The following SCFD2 variants were observed in gnomAD, a reference collection of about 807,000 sequenced individuals.
SCFD2 encodes the protein sec1 family domain containing 2, also known as sec1 family domain-containing protein 2.
Under a neutral mutation model 58.9 loss-of-function variants are expected in SCFD2, and 54 were observed. The observed-to-expected ratio is 0.92, with a 90% CI of 0.74 to 1.15. SCFD2 has a LOEUF of 1.15. Ranked by LOEUF, SCFD2 falls within the 50% of genes most tolerant of loss-of-function variation. The pLI, the probability that SCFD2 is intolerant of heterozygous loss-of-function variation, is 0.00. For missense variants in SCFD2, 805 were observed against 836.6 expected, an observed-to-expected ratio of 0.96 and a Z score of 0.47; for synonymous variants, 321 against 335.9, an observed-to-expected ratio of 0.96 and a Z score of 0.49.
intron 5 of SCFD2, among the ~76,000 whole-genome samples, chr4:53,046,981 T>C (rs1577683699): frequency 6.6e-6 from 1 of 152,240 alleles, no homozygotes; most frequent in Non-Finnish European, 1.5e-5. Context: ...CAAAGCTATG[T>C]GTTTTTGTGA....
At chr4:53,279,589 T>C (rs1039986816) in intron 3 of SCFD2, among the ~76,000 whole-genome samples, 3 of 152,250 alleles carry the variant, frequency 2.0e-5, no homozygotes, top group Admixed American at 6.5e-5. Flanking sequence ...TTTAATATTA[T>C]GTCAATATAG....
chr4:53,210,450 G>A (rs1393436104), intron 4 of SCFD2, among the ~76,000 whole-genome samples: 2 of 152,010 alleles, frequency 1.3e-5, no homozygotes, highest in African/African-American at 4.8e-5. Flanking sequence ...CAGGAGCATA[G>A]AGTGAAGTCT....
intron 4 of SCFD2, among the ~76,000 whole-genome samples, chr4:53,212,703 T>C (rs1412407926): frequency 4.6e-5 from 7 of 151,822 alleles, no homozygotes. Context: ...GTTCATATTA[T>C]GAATAAAATT....
At chr4:53,124,984 G>C (rs909824396) in intron 5 of SCFD2, among the ~76,000 whole-genome samples, 4 of 152,308 alleles carry the variant, frequency 2.6e-5, no homozygotes, top group Non-Finnish European at 5.9e-5. Flanking sequence ...GAGGTAAAGA[G>C]AGATTAAGTG....
At chr4:53,017,730 C>G (rs1722248402) in intron 5 of SCFD2, among the ~76,000 whole-genome samples, 1 of 152,176 alleles carries the variant, frequency 6.6e-6, no homozygotes, top group Admixed American at 6.5e-5. Flanking sequence ...TGAAGGCAAA[C>G]TAGGCCCTAC....
intron 5 of SCFD2, among the ~76,000 whole-genome samples, chr4:53,068,565 A>G (rs1313424414): frequency 1.3e-5 from 2 of 152,078 alleles, no homozygotes; most frequent in African/African-American, 4.8e-5. Flanking sequence ...TTAATTTTTA[A>G]TATTCTACAT....
intron 2 of SCFD2, among the ~76,000 whole-genome samples, chr4:53,339,632 T>C (rs1330828371): frequency 6.6e-6 from 1 of 152,058 alleles, no homozygotes; most frequent in Non-Finnish European, 1.5e-5. Flanking sequence ...TAGCCAGGCA[T>C]GGTGGTGCAC....
chr4:53,165,666 A>C (rs918085353), intron 4 of SCFD2, among the ~76,000 whole-genome samples: 2 of 152,184 alleles, frequency 1.3e-5, no homozygotes, highest in African/African-American at 4.8e-5. Flanking sequence ...ATCTTACTAT[A>C]GGTTTTACTT....
chr4:53,017,398 A>G (rs955169338), intron 5 of SCFD2, among the ~76,000 whole-genome samples: 5 of 152,228 alleles, frequency 3.3e-5, no homozygotes, highest in African/African-American at 1.2e-4. Flanking sequence ...TAACTCACCC[A>G]AAGTTCTGAT....
At chr4:53,174,469 G>T (rs1488927892) in intron 4 of SCFD2, among the ~76,000 whole-genome samples, 1 of 152,094 alleles carries the variant, frequency 6.6e-6, no homozygotes, top group Non-Finnish European at 1.5e-5. Flanking sequence ...CAAAGAAACT[G>T]ACATTAAAGT....
At chr4:53,278,412 C>G (rs1218516727) in intron 3 of SCFD2, among the ~76,000 whole-genome samples, 1 of 150,752 alleles carries the variant, frequency 6.6e-6, no homozygotes, top group Non-Finnish European at 1.5e-5. Flanking sequence ...CATGGTAGTG[C>G]TCACCTATAG....
At chr4:53,261,039 T>C (rs998243825) in intron 4 of SCFD2, among the ~76,000 whole-genome samples, 3 of 152,180 alleles carry the variant, frequency 2.0e-5, no homozygotes, top group African/African-American at 2.4e-5. Context: ...CCTTGAATGA[T>C]CGTTTGTATT....
chr4:53,095,533 T>A (rs1185897622), intron 5 of SCFD2, among the ~76,000 whole-genome samples: 5 of 152,108 alleles, frequency 3.3e-5, no homozygotes, highest in Non-Finnish European at 7.3e-5. Flanking sequence ...ATGCTCCCAG[T>A]CTTACTCCCC....
chr4:52,970,660 AAG>A (rs1340079297), intron 5 of SCFD2, among the ~76,000 whole-genome samples: 1 of 152,212 alleles, frequency 6.6e-6, no homozygotes, highest in Non-Finnish European at 1.5e-5. Flanking sequence ...GACAGCTTTG[AAG>A]AGAGTAGTGG....
chr4:53,271,999 A>G (rs965508266), intron 4 of SCFD2, among the ~76,000 whole-genome samples: 5 of 152,170 alleles, frequency 3.3e-5, no homozygotes, highest in South Asian at 4.1e-4. Context: ...ACTCAAACAC[A>G]TTTACAAGAA....
chr4:52,967,878 T>C (rs1261964944), intron 5 of SCFD2, among the ~76,000 whole-genome samples: 2 of 152,162 alleles, frequency 1.3e-5, no homozygotes, highest in Non-Finnish European at 2.9e-5. Flanking sequence ...CCCTATGTCA[T>C]TCCCATCAGT....
Position 52,991,608 on chromosome 4 carries a change from G to A in SCFD2, c.1562-70738C>T, listed in dbSNP as rs533380231. Among the ~76,000 whole-genome samples the A allele has an allele frequency of 3.9e-5, 6 of 152,280 alleles. No homozygotes were observed. The South Asian group carries it at 1.2e-3, about 32-fold the overall frequency. ...GGCTCAGGGAGAGGAGTTGGATTAAGGGCCTGGTTACTAATGCACCACATC... is the reference window on the plus strand; with the variant it reads ...GGCTCAGGGAGAGGAGTTGGATTAAAGGCCTGGTTACTAATGCACCACATC... On this transcript the variant is annotated intron_variant, in intron 5 of 8. Coordinates refer to ENST00000401642, the MANE Select transcript of SCFD2 (RefSeq NM_152540.4).
chr4:53,199,736 G>T (rs1473754887), intron 4 of SCFD2, among the ~76,000 whole-genome samples: 1 of 152,086 alleles, frequency 6.6e-6, no homozygotes, highest in African/African-American at 2.4e-5. Context: ...ACCAGAAAGG[G>T]CATGGAAGCT....
chr4:53,353,656 A>T (rs1159408610), intron 1 of SCFD2, among the ~76,000 whole-genome samples: 1 of 151,766 alleles, frequency 6.6e-6, no homozygotes, highest in East Asian at 1.9e-4. Flanking sequence ...CTAGACACAG[A>T]GTGCTGATTG....
Sources: allele counts gnomAD v4.1 joint callset (sites outside exome capture counted in the v4.1 genomes callset), GRCh38; gene constraint gnomAD v4.1.1; transcripts MANE v1.5; gene names NCBI Gene and HGNC (gene_info 2026-07-23, HGNC 2026-07-21).